Variants in SH3TC1 observed in about 807,000 individuals in gnomAD.
SH3TC1 encodes SH3 domain and tetratricopeptide repeats 1, also known as SH3 domain and tetratricopeptide repeat-containing protein 1.
Under a neutral mutation model 117.3 loss-of-function variants are expected in SH3TC1, and 135 were observed. The observed-to-expected ratio is 1.15, with a 90% CI of 1.00 to 1.33. SH3TC1 has a LOEUF of 1.33. SH3TC1 is among the 40% of genes most tolerant of loss of function. The probability of loss-of-function intolerance (pLI) is 0.00; values close to 1 mark genes in which losing one functional copy is unlikely to be tolerated. For synonymous variants in SH3TC1, 898 were observed against 816.9 expected, an observed-to-expected ratio of 1.10 and a Z score of -1.69; for missense variants, 2,092 against 1,794.3, an observed-to-expected ratio of 1.17 and a Z score of -3.00.
At chr4:8,231,292 T>C (rs1721180592) in intron 12 of SH3TC1, 2 of 152,546 alleles carry the variant, frequency 1.3e-5, no homozygotes, top group African/African-American at 4.8e-5. Context: ...CTGAGGCTCA[T>C]TGTGGGGCCT....
At chr4:8,214,063 G>A (rs1310772858) in intron 4 of SH3TC1, among the ~76,000 whole-genome samples, 1 of 152,170 alleles carries the variant, frequency 6.6e-6, no homozygotes, top group African/African-American at 2.4e-5. Flanking sequence ...AGGGGATGCT[G>A]GCGGGGGGAT....
chr4:8,212,964 C>T, intron 4 of SH3TC1, 136 bp downstream of exon 4: 1 of 1,220,316 alleles, frequency 8.2e-7, no homozygotes, highest in Non-Finnish European at 1.1e-6. Context: ...CAGTGGTGGC[C>T]TTGGAGGGGC....
intron 13 of SH3TC1, chr4:8,232,672 T>G: frequency 7.7e-7 from 1 of 1,292,138 alleles, no homozygotes; most frequent in Non-Finnish European, 1.0e-6. Context: ...CCTGACCTGG[T>G]GGGGTAACCA....
In SH3TC1 at chr4:8,241,085, TG is replaced by T; in HGVS notation, c.*131del. ...GGGCCAAATAGCAATAAATGGGTTT[TG>T]TTTTTTTTTTGCAATAACTTATTGA... On this transcript the variant is annotated 3_prime_UTR_variant, in exon 18 of 18. Coordinates refer to ENST00000245105, the MANE Select transcript of SH3TC1 (RefSeq NM_018986.5). The T allele has an allele frequency of 7.5e-7, 1 of 1,332,418 alleles. No homozygotes were observed. The highest frequency in any genetic ancestry group is 1.5e-5 in the African/African-American group (1 of 67,238). The allele number at this position is 1,332,418 out of a possible 1,614,324, so 82.5% of individuals were successfully genotyped here. A position where few individuals can be genotyped will look rare whatever the true frequency, so the allele number is the denominator to read the frequency against.
intron 9 of SH3TC1, among the ~76,000 whole-genome samples, chr4:8,221,356 C>T (rs1278925960): frequency 1.3e-5 from 2 of 152,238 alleles, no homozygotes; most frequent in East Asian, 3.8e-4. Flanking sequence ...TGACTTCTCT[C>T]ATTCACTCAA....
At position 8,232,109 on chromosome 4, in the gene SH3TC1, G is replaced by C. The variant is rs760994757; in HGVS notation, c.3084G>C (p.Gln1028His). 5.6e-6 allele frequency: 9 copies of C among 1,603,376 alleles called. No individual in the cohort carries two copies. Among genetic ancestry groups the C allele is most frequent in the South Asian group, 4.4e-5 (4 of 90,934 alleles). ...CKVADKVLEGQLLETISQLYL... is the reference protein window; with the variant it reads ...CKVADKVLEGHLLETISQLYL... ...TGGCCGACAAGGTGCTGGAGGGGCA[G>C]CTCCTGGAGACCATCAGCCAGCTCT... is the stretch of plus-strand genomic sequence containing the variant. Residue 1028 changes from glutamine to histidine, a missense_variant, in exon 13 of 18, where the codon CAG becomes CAC. Physicochemically the swap from Gln to His is conservative, Grantham distance 24 (BLOSUM62 0). Coordinates refer to ENST00000245105, the MANE Select transcript of SH3TC1 (RefSeq NM_018986.5).
intron 8 of SH3TC1, 103 bp downstream of exon 8, chr4:8,218,450 T>TA (rs1719539933): frequency 1.3e-6 from 1 of 775,026 alleles, no homozygotes; most frequent in African/African-American, 1.7e-5. Flanking sequence ...GCCAGAGAGA[T>TA]AGCTATCAGG....
At chr4:8,195,445 G>C (rs1178672966), upstream of SH3TC1, among the ~76,000 whole-genome samples, 2 of 152,202 alleles carry the variant, frequency 1.3e-5, no homozygotes, top group Non-Finnish European at 2.9e-5. Flanking sequence ...AGCCCTGAAG[G>C]CTCAGGCACC....
intron 17 of SH3TC1, among the ~76,000 whole-genome samples, chr4:8,239,282 CAT>C (rs1245244381): frequency 3.3e-5 from 5 of 150,702 alleles, no homozygotes; most frequent in African/African-American, 4.9e-5. Context: ...CATGCACACA[CAT>C]GGACATGCAC....
In SH3TC1 at chr4:8,205,128, A is replaced by G. The variant is rs1263959723; in HGVS notation, c.-28-39A>G. The G allele has an allele frequency of 2.0e-5, 28 of 1,429,406 alleles. No homozygotes were observed. The highest frequency in any genetic ancestry group is 2.5e-5 in the Non-Finnish European group (27 of 1,084,630). 88.5% of individuals were successfully genotyped at this position (1,429,406 alleles called of 1,614,324 possible). A position where few individuals can be genotyped will look rare whatever the true frequency, so the allele number is the denominator to read the frequency against. On this transcript the variant is annotated intron_variant, in intron 1 of 17. Transcript: ENST00000245105. This position sits in a 1 kb window ranked among gnomAD's most constrained non-coding sequence, Gnocchi z 5.4. ...GACACAACCTCCGTGCTGGTTCTGGAGGGGCCACCTCTCCTGACCACACCC... is the reference window on the plus strand; with the variant it reads ...GACACAACCTCCGTGCTGGTTCTGGGGGGGCCACCTCTCCTGACCACACCC...
In SH3TC1 at chr4:8,237,704, C is replaced by T. The variant is rs757870993; in HGVS notation, c.3753+34C>T. The T allele has an allele frequency of 2.1e-5, 33 of 1,557,354 alleles. No homozygotes were observed. In the East Asian group the frequency reaches 5.3e-4, roughly 25 times the overall value. On this transcript the variant is annotated intron_variant, in intron 17 of 17. Coordinates refer to ENST00000245105, the MANE Select transcript of SH3TC1 (RefSeq NM_018986.5). ...GGAGGGGCTGGGCTCAGGGTGTTCC[C>T]GGCCCCCTTGGAGTGGGATCTCCAC...
At chr4:8,203,167 G>A (rs548620470) in intron 1 of SH3TC1, among the ~76,000 whole-genome samples, 1 of 152,334 alleles carries the variant, frequency 6.6e-6, no homozygotes, top group African/African-American at 2.4e-5. Flanking sequence ...GTGGTGGCCC[G>A]AGCCGAGAGC....
At chr4:8,214,911 C>T (rs1278999779) in intron 5 of SH3TC1, among the ~76,000 whole-genome samples, 1 of 152,168 alleles carries the variant, frequency 6.6e-6, no homozygotes, top group East Asian at 1.9e-4. Context: ...ATCTCAAACT[C>T]CTGGCTTCAG....
rs1342857711 is a variant in SH3TC1 at position 8,228,502 on chromosome 4, G to T, written c.2808G>T (p.Leu936=). 1.1e-5 allele frequency: 17 copies of T among 1,611,320 alleles called. No homozygotes were observed. Among genetic ancestry groups the T allele is most frequent in the Non-Finnish European group, 1.4e-5 (17 of 1,179,514 alleles). The change falls in exon 12 of 18, where the codon CTG becomes CTT. Residue 936 remains leucine, a synonymous_variant. Transcript: ENST00000245105. ...LLEAVRLFSR[L]PLGECGRDFT... is the part of the protein sequence containing the mutation. ...AGGCCGTGCGGCTGTTCTCGAGGCT[G>T]CCCCTTGGGGAGTGTGGCCGGGACT...
At chr4:8,233,743 CCATCCATCCATCCAT>C (rs1408239508) in intron 14 of SH3TC1, among the ~76,000 whole-genome samples, 34 of 47,828 alleles carry the variant, frequency 7.1e-4, no homozygotes, top group East Asian at 6.3e-3. Flanking sequence ...ACCTGTTCAT[CCATCCATCCATCCAT>C]CATCCATCCA....
chr4:8,213,498 C>T (rs1678290), intron 4 of SH3TC1, among the ~76,000 whole-genome samples: 102,222 of 152,006 alleles, frequency 0.67, 34,699 homozygotes, highest in South Asian at 0.77. Flanking sequence ...CTGCTCAACA[C>T]GTGGGGCTGT....
intron 1 of SH3TC1, among the ~76,000 whole-genome samples, chr4:8,202,909 G>T (rs1000502171): frequency 6.6e-6 from 1 of 152,198 alleles, no homozygotes; most frequent in African/African-American, 2.4e-5. Flanking sequence ...ACTTTAGACC[G>T]TGGGCTCCTC....
Position 8,190,893 on chromosome 4 carries a change from C to G in SH3TC1, c.-57+8683C>G, listed in dbSNP as rs770062060. ...CTGGACTCAAGCGATCCTCCTGCCT[C>G]GGCCTCCTAAAGTGCTAGGATTACA... On this transcript the variant is annotated intron_variant, in intron 1 of 16. Transcript: ENST00000508641. This position sits in a 1 kb window ranked among gnomAD's most constrained non-coding sequence, Gnocchi z 4.7. 6.6e-6 allele frequency among the ~76,000 whole-genome samples: 1 copy of G among 151,972 alleles called. No individual in the cohort carries two copies. The highest frequency in any genetic ancestry group is 1.5e-5 in the Non-Finnish European group (1 of 67,958).
rs528863604 is a variant in SH3TC1, at chr4:8,206,358, G to A, written c.172+992G>A. On this transcript the variant is annotated intron_variant, in intron 2 of 17. Coordinates refer to ENST00000245105, the MANE Select transcript of SH3TC1 (RefSeq NM_018986.5). This position sits in a 1 kb window ranked among gnomAD's most constrained non-coding sequence, Gnocchi z 5.5. ...GGAGCCCACCTGGCCATGGAATCGC[G>A]TTCCCTCCAGGGCAGGCCTCATGAA... Among the ~76,000 whole-genome samples, 7 of 152,152 alleles carry A rather than the reference G, an allele frequency of 4.6e-5. No homozygotes were observed. In the East Asian group the frequency reaches 7.8e-4, roughly 17 times the overall value.
Sources: allele counts gnomAD v4.1 joint callset (sites outside exome capture counted in the v4.1 genomes callset), GRCh38; gene constraint gnomAD v4.1.1; non-coding constraint Gnocchi (gnomAD v3.1); transcripts MANE v1.5; gene names NCBI Gene and HGNC (gene_info 2026-07-23, HGNC 2026-07-21).